The following CCSER1 variants were observed in gnomAD, a reference collection of about 807,000 sequenced individuals.
CCSER1 encodes serine-rich coiled-coil domain-containing protein 1.
CCSER1 carries 41 observed loss-of-function variants against 82.0 expected under a neutral mutation model. That is an observed-to-expected ratio of 0.50 (90% confidence interval 0.39 to 0.65). The LOEUF is 0.65. CCSER1 is among the 30% of genes least tolerant of loss of function. The pLI, the probability that CCSER1 is intolerant of heterozygous loss-of-function variation, is 0.00. For synonymous variants in CCSER1, 414 were observed against 383.9 expected (o/e 1.08, Z -0.92); for missense variants, 1,119 against 1,064.2 (o/e 1.05, Z -0.72).
chr4:90,784,765 T>C (rs932845032), intron 7 of CCSER1, among the ~76,000 whole-genome samples: 6 of 152,228 alleles, frequency 3.9e-5, no homozygotes, highest in Non-Finnish European at 8.8e-5. Flanking sequence ...TACTGTTGAC[T>C]AGAAGTCTTA....
intron 7 of CCSER1, among the ~76,000 whole-genome samples, chr4:90,790,548 AT>A (rs34761040): frequency 0.51 from 77,307 of 151,676 alleles, 20,005 homozygotes; most frequent in African/African-American, 0.6. Flanking sequence ...TTCTGGATAC[AT>A]TTTTTTTCCC....
At chr4:90,174,572 G>C (rs562317682) in intron 1 of CCSER1, among the ~76,000 whole-genome samples, 1 of 152,084 alleles carries the variant, frequency 6.6e-6, no homozygotes, top group East Asian at 1.9e-4. Flanking sequence ...TGAGGAGACA[G>C]AGCTGAGAGT....
intron 10 of CCSER1, among the ~76,000 whole-genome samples, chr4:91,165,566 G>A (rs528169047): frequency 6.6e-6 from 1 of 152,328 alleles, no homozygotes; most frequent in South Asian, 2.1e-4. Flanking sequence ...AGGCCTTGCA[G>A]AGCTGAGGTG....
At chr4:90,160,150 G>T (rs537302847) in intron 1 of CCSER1, among the ~76,000 whole-genome samples, 2 of 152,298 alleles carry the variant, frequency 1.3e-5, no homozygotes, top group South Asian at 4.1e-4. Context: ...CTCAACCAGT[G>T]CACATTGCTC....
At chr4:90,363,875 C>A (rs1745819762) in intron 3 of CCSER1, among the ~76,000 whole-genome samples, 1 of 151,906 alleles carries the variant, frequency 6.6e-6, no homozygotes, top group Admixed American at 6.6e-5. Flanking sequence ...GTTCATTCTG[C>A]AAAAAGATGG....
chr4:90,971,679 T>G lies in CCSER1; in HGVS notation c.2172+48232T>G, dbSNP rs188939243. ...TCATATTACAAGGCCCAAATTACCC[T>G]GAATATCAAACCTTACAAGTATTCT... is the stretch of plus-strand genomic sequence containing the variant. On this transcript the variant is annotated intron_variant, in intron 9 of 10. Coordinates refer to ENST00000509176, the MANE Select transcript of CCSER1 (RefSeq NM_001145065.2). Among the ~76,000 whole-genome samples the G allele has an allele frequency of 4.0e-3, 607 of 152,046 alleles. 10 individuals carry two copies. Among genetic ancestry groups the G allele is most frequent in the African/African-American group, 0.014 (582 of 41,418 alleles).
chr4:90,975,574 G>A (rs1311690000), intron 9 of CCSER1, among the ~76,000 whole-genome samples: 1 of 150,998 alleles, frequency 6.6e-6, no homozygotes, highest in East Asian at 1.9e-4. Context: ...TGTCAAACAC[G>A]GAAACAGAGT....
At chr4:91,573,020 G>C (rs1435035590) in intron 10 of CCSER1, among the ~76,000 whole-genome samples, 4 of 152,070 alleles carry the variant, frequency 2.6e-5, no homozygotes, top group Admixed American at 6.6e-5. Flanking sequence ...TGGAAAACAT[G>C]GAGGTGAGAG....
chr4:90,431,789 C>T (rs528149419), intron 4 of CCSER1, among the ~76,000 whole-genome samples: 11 of 152,062 alleles, frequency 7.2e-5, no homozygotes, highest in Non-Finnish European at 1.6e-4. Flanking sequence ...TAAAGAGTAA[C>T]TTTAATAAAT....
At chr4:90,917,909 C>G (rs1048006580) in intron 8 of CCSER1, among the ~76,000 whole-genome samples, 9 of 151,818 alleles carry the variant, frequency 5.9e-5, no homozygotes, top group African/African-American at 2.2e-4. Context: ...GTCAGTTTTT[C>G]TAGAATATTT....
In CCSER1 at chr4:90,712,499, A is replaced by G. The variant is rs538889129; in HGVS notation, c.1933-11415A>G. Reference sequence around the variant, plus strand: ...GATTTCTAGTTTGGGCTGTGGTTCAATAGTTTTTTTATGATTTAAAATCTT... The same window carrying G: ...GATTTCTAGTTTGGGCTGTGGTTCAGTAGTTTTTTTATGATTTAAAATCTT... On this transcript the variant is annotated intron_variant, in intron 6 of 10. Transcript: ENST00000509176. Among the ~76,000 whole-genome samples the G allele has an allele frequency of 8.6e-5, 13 of 151,694 alleles. No individual in the cohort carries two copies. The East Asian group carries it at 2.3e-3, about 27-fold the overall frequency.
At chr4:91,597,809 T>A (rs1324809552) in intron 10 of CCSER1, among the ~76,000 whole-genome samples, 1 of 152,076 alleles carries the variant, frequency 6.6e-6, no homozygotes, top group Non-Finnish European at 1.5e-5. Context: ...AGTTTTTACC[T>A]CAATGTGTTT....
At chr4:90,894,752 A>G (rs913409887) in intron 8 of CCSER1, among the ~76,000 whole-genome samples, 5 of 151,930 alleles carry the variant, frequency 3.3e-5, no homozygotes, top group South Asian at 2.1e-4. Flanking sequence ...ACAAGTGCCA[A>G]TGATGGTTCT....
intron 8 of CCSER1, among the ~76,000 whole-genome samples, chr4:90,831,707 T>C (rs1189670083): frequency 6.6e-6 from 1 of 152,162 alleles, no homozygotes; most frequent in Non-Finnish European, 1.5e-5. Context: ...TTAAAGAATG[T>C]TCATTACTTG....
intron 9 of CCSER1, among the ~76,000 whole-genome samples, chr4:90,965,654 G>A (rs1391448134): frequency 6.6e-6 from 1 of 151,960 alleles, no homozygotes; most frequent in African/African-American, 2.4e-5. Context: ...AAAAAAAGAT[G>A]ACACCAAAAT....
intron 7 of CCSER1, among the ~76,000 whole-genome samples, chr4:90,797,900 T>C (rs1350784879): frequency 6.6e-6 from 1 of 152,226 alleles, no homozygotes; most frequent in East Asian, 1.9e-4. Context: ...TAGCTCCCTT[T>C]AACATTTTGT....
At chr4:90,968,261 T>TA (rs1253496175) in intron 9 of CCSER1, among the ~76,000 whole-genome samples, 1 of 151,944 alleles carries the variant, frequency 6.6e-6, no homozygotes, top group Admixed American at 6.6e-5. Context: ...GAAAGAACTT[T>TA]AAAAAAGAGC....
intron 4 of CCSER1, among the ~76,000 whole-genome samples, chr4:90,441,679 G>A (rs1300078376): frequency 6.6e-6 from 1 of 152,192 alleles, no homozygotes; most frequent in Non-Finnish European, 1.5e-5. Context: ...GATAGCACTT[G>A]AATTGACTTA....
intron 3 of CCSER1, among the ~76,000 whole-genome samples, chr4:90,339,790 C>T (rs1741066461): frequency 6.6e-6 from 1 of 151,892 alleles, no homozygotes; most frequent in South Asian, 2.1e-4. Flanking sequence ...ACCATGCTTC[C>T]TTTTTTCTCA....
Sources: gnomAD v4.1 joint callset for allele counts (sites outside exome capture counted in the v4.1 genomes callset) on GRCh38, gnomAD v4.1.1 for gene constraint, MANE v1.5 for transcripts, NCBI Gene and HGNC (gene_info 2026-07-23, HGNC 2026-07-21) for gene names.